Variants in PKHD1 observed in about 807,000 individuals in gnomAD.
PKHD1 encodes fibrocystin.
In PKHD1, 291 loss-of-function variants were observed where a neutral mutation model predicts 412.0. The observed-to-expected ratio is 0.71, with a 90% confidence interval of 0.64 to 0.78. The LOEUF is 0.78. Among genes scored for constraint, PKHD1 ranks in the 30% least tolerant of loss-of-function variants. The probability of loss-of-function intolerance (pLI) is 0.00; values close to 1 mark genes in which losing one functional copy is unlikely to be tolerated. For synonymous variants in PKHD1, 1,777 were observed against 1,821.5 expected (o/e 0.98, Z 0.62); for missense variants, 4,825 against 4,950.7 (o/e 0.97, Z 0.76).
At chr6:51,786,014 C>A (rs571553289) in intron 53 of PKHD1, among the ~76,000 whole-genome samples, 1 of 152,120 alleles carries the variant, frequency 6.6e-6, no homozygotes, top group African/African-American at 2.4e-5. Context: ...ATTGTTCAAG[C>A]ATTTTAATAA....
chr6:51,641,651 A>G (rs1161864129), intron 63 of PKHD1, among the ~76,000 whole-genome samples: 1 of 152,230 alleles, frequency 6.6e-6, no homozygotes, highest in Non-Finnish European at 1.5e-5. Flanking sequence ...ACAAATGCCC[A>G]TCAATGATAG....
At chr6:51,739,615 G>A (rs1446105721) in intron 60 of PKHD1, among the ~76,000 whole-genome samples, 1 of 152,150 alleles carries the variant, frequency 6.6e-6, no homozygotes, top group Non-Finnish European at 1.5e-5. Flanking sequence ...TAAGTTTGAT[G>A]GCAGCAGAAA....
chr6:52,059,594 A>G (rs1808365523), intron 15 of PKHD1, among the ~76,000 whole-genome samples: 2 of 152,130 alleles, frequency 1.3e-5, no homozygotes, highest in Non-Finnish European at 2.9e-5. Context: ...GAAAAGATAC[A>G]TACATATATC....
chr6:51,960,512 G>T (rs1467228990), intron 35 of PKHD1, among the ~76,000 whole-genome samples: 1 of 152,136 alleles, frequency 6.6e-6, no homozygotes. Context: ...TTTGCTTTAT[G>T]TAATTGGTAT....
chr6:51,791,702 G>A (rs901325891), intron 52 of PKHD1, among the ~76,000 whole-genome samples: 1 of 152,110 alleles, frequency 6.6e-6, no homozygotes, highest in Admixed American at 6.5e-5. Context: ...CTTCACTTTT[G>A]GCTCTAGTTT....
intron 64 of PKHD1, among the ~76,000 whole-genome samples, chr6:51,632,926 T>C (rs149595317): frequency 2.6e-5 from 4 of 152,274 alleles, no homozygotes; most frequent in African/African-American, 7.2e-5. Context: ...CAATAACACA[T>C]AATAGTTATT....
chr6:51,998,321 T>TTCAAAA (rs1797948185), intron 35 of PKHD1, among the ~76,000 whole-genome samples: 3 of 152,006 alleles, frequency 2.0e-5, no homozygotes, highest in African/African-American at 7.2e-5. Context: ...TTCAAAAGGC[T>TTCAAAA]GGGAAGGGAA....
intron 61 of PKHD1, among the ~76,000 whole-genome samples, chr6:51,651,034 T>A (rs1167557757): frequency 6.6e-6 from 1 of 152,118 alleles, no homozygotes; most frequent in Non-Finnish European, 1.5e-5. Context: ...AGGCAAGCAG[T>A]CTGGGTTAAA....
intron 55 of PKHD1, among the ~76,000 whole-genome samples, chr6:51,769,078 G>C (rs1179877811): frequency 1.3e-5 from 2 of 149,050 alleles, no homozygotes; most frequent in African/African-American, 2.5e-5. Flanking sequence ...AGCTTGCTTT[G>C]TTTGTTGCTT....
chr6:51,870,663 T>G, intron 46 of PKHD1, 24 bp from the exon 47 acceptor site: 1 of 1,592,740 alleles, frequency 6.3e-7, no homozygotes, highest in Non-Finnish European at 8.6e-7. Flanking sequence ...GAAAAAAAGA[T>G]GAAAGCAAAA....
chr6:51,744,319 G>A, intron 60 of PKHD1, 66 bp downstream of exon 60: 1 of 1,412,496 alleles, frequency 7.1e-7, no homozygotes, highest in South Asian at 1.1e-5. Flanking sequence ...AGTGAGCACA[G>A]CAAAACCAGC....
chr6:51,950,217 A>AT (rs1458326988), intron 36 of PKHD1, among the ~76,000 whole-genome samples: 17 of 122,140 alleles, frequency 1.4e-4, no homozygotes, highest in Middle Eastern at 3.4e-3. Context: ...AGAGAAAAAA[A>AT]AAAATATATA....
At chr6:51,775,292 T>C (rs1034877283) in intron 54 of PKHD1, among the ~76,000 whole-genome samples, 3 of 151,832 alleles carry the variant, frequency 2.0e-5, no homozygotes, top group African/African-American at 7.2e-5. Context: ...ATGAACATTC[T>C]CTTATGCCTC....
intron 43 of PKHD1, among the ~76,000 whole-genome samples, chr6:51,898,178 C>T (rs577394966): frequency 6.6e-6 from 1 of 152,184 alleles, no homozygotes; most frequent in Non-Finnish European, 1.5e-5. Flanking sequence ...TAGACATCTA[C>T]AGAACTCTCC....
chr6:51,975,219 T>C (rs1418755102), intron 35 of PKHD1, among the ~76,000 whole-genome samples: 2 of 152,172 alleles, frequency 1.3e-5, no homozygotes, highest in African/African-American at 4.8e-5. Context: ...AGGAGAAATA[T>C]TAATGATATT....
At chr6:51,742,701 A>C (rs773878729) in intron 60 of PKHD1, among the ~76,000 whole-genome samples, 4 of 152,200 alleles carry the variant, frequency 2.6e-5, no homozygotes, top group African/African-American at 7.2e-5. Flanking sequence ...TGAACAACAA[A>C]AAAAAAATCC....
intron 35 of PKHD1, among the ~76,000 whole-genome samples, chr6:52,003,978 C>T (rs1013323502): frequency 1.3e-5 from 2 of 152,168 alleles, no homozygotes; most frequent in African/African-American, 4.8e-5. Context: ...TAATGGTTCT[C>T]TTTATGTTTC....
At chr6:51,978,213 G>A (rs1455563073) in intron 35 of PKHD1, among the ~76,000 whole-genome samples, 1 of 152,144 alleles carries the variant, frequency 6.6e-6, no homozygotes, top group Non-Finnish European at 1.5e-5. Context: ...CCCACACCAA[G>A]GTTTCCAAGC....
intron 36 of PKHD1, among the ~76,000 whole-genome samples, chr6:51,946,821 A>AG (rs2127843950): frequency 1.3e-5 from 2 of 152,366 alleles, no homozygotes; most frequent in African/African-American, 4.8e-5. Flanking sequence ...TTTCTTTTAA[A>AG]GGGAAGTAAA....
Sources: allele counts gnomAD v4.1 joint callset (sites outside exome capture counted in the v4.1 genomes callset), GRCh38; gene constraint gnomAD v4.1.1; transcripts MANE v1.5; gene names NCBI Gene and HGNC (gene_info 2026-07-23, HGNC 2026-07-21).